Variants in PAPSS1 observed in about 807,000 individuals in gnomAD.
PAPSS1 encodes the protein 3'-phosphoadenosine 5'-phosphosulfate synthase 1, also known as bifunctional 3'-phosphoadenosine 5'-phosphosulfate synthase 1.
Under a neutral mutation model 72.0 loss-of-function variants are expected in PAPSS1, and 50 were observed. The ratio of observed to expected loss-of-function variants is 0.69; its 90% CI spans 0.55 to 0.88. The LOEUF (loss-of-function observed/expected upper bound fraction) is 0.88, where lower values mean the gene tolerates loss of function less well. Among genes scored for constraint, PAPSS1 ranks in the 40% least tolerant of loss-of-function variants. The pLI, the probability that PAPSS1 is intolerant of heterozygous loss-of-function variation, is 0.00. For synonymous variants in PAPSS1, 261 were observed against 263.6 expected (o/e 0.99, Z 0.09); for missense variants, 657 against 782.2 (o/e 0.84, Z 1.91).
At chr4:107,648,541 C>T (rs1012521424) in intron 9 of PAPSS1, among the ~76,000 whole-genome samples, 4 of 152,254 alleles carry the variant, frequency 2.6e-5, no homozygotes, top group African/African-American at 9.6e-5. Flanking sequence ...ACCCCAACCA[C>T]TGAACATAGA....
intron 10 of PAPSS1, among the ~76,000 whole-genome samples, chr4:107,635,154 T>TA (rs1686449519): frequency 6.6e-6 from 1 of 152,220 alleles, no homozygotes; most frequent in African/African-American, 2.4e-5. Context: ...CCTTATTTTT[T>TA]ATATTCTATT....
intron 9 of PAPSS1, among the ~76,000 whole-genome samples, chr4:107,651,672 T>G (rs1726843465): frequency 6.6e-6 from 1 of 152,030 alleles, no homozygotes; most frequent in Admixed American, 6.6e-5. Flanking sequence ...GTCACGAGAA[T>G]AGCATGGGGG....
chr4:107,699,500 C>A (rs1249206572), intron 2 of PAPSS1, among the ~76,000 whole-genome samples: 1 of 152,068 alleles, frequency 6.6e-6, no homozygotes. Context: ...AAAAAAGACA[C>A]CCTCATAAAT....
At chr4:107,696,766 T>G (rs979744904) in intron 2 of PAPSS1, among the ~76,000 whole-genome samples, 3 of 151,888 alleles carry the variant, frequency 2.0e-5, no homozygotes, top group East Asian at 1.9e-4. Flanking sequence ...AAGAGGAGGA[T>G]ATGTTGAGAG....
In PAPSS1 at chr4:107,711,629, A is replaced by T. The variant is rs117889243; in HGVS notation, c.60+8491T>A. ...TGATAAACAGTGTATTCCTCCAATG[A>T]GAAATCCCTGAAATGGTAACAGGCA... On this transcript the variant is annotated intron_variant, in intron 1 of 11. Coordinates refer to ENST00000265174, the MANE Select transcript of PAPSS1 (RefSeq NM_005443.5). Among the ~76,000 whole-genome samples, 42 of 152,360 alleles carry T rather than the reference A, an allele frequency of 2.8e-4. 1 individual carries two copies. The East Asian group carries it at 7.3e-3, about 27-fold the overall frequency.
In PAPSS1 at chr4:107,682,092, G is replaced by A; in HGVS notation, c.592C>T (p.Pro198Ser). Reference protein sequence around the residue: ...IDSEYEKPEAPELVLKTDSCD... With the variant: ...IDSEYEKPEASELVLKTDSCD... ...GAGTCTGTTTTCAGCACCAACTCAG[G>A]GGCCTCTGGCTTTTCATATTCAGAA... Residue 198 changes from proline (P) to serine (S), a missense_variant, in exon 5 of 12, where the codon CCT becomes TCT. Around this residue, in one of 7 missense-constraint regions of PAPSS1, gnomAD observed 28 missense variants for 60.8 expected, o/e 0.46. Coordinates refer to ENST00000265174, the MANE Select transcript of PAPSS1 (RefSeq NM_005443.5). The A allele has an allele frequency of 1.9e-6, 3 of 1,610,714 alleles. No individual in the cohort carries two copies. The highest frequency in any genetic ancestry group is 1.7e-5 in the Admixed American group (1 of 59,820).
At chr4:107,701,493 T>C (rs1193233009) in intron 1 of PAPSS1, among the ~76,000 whole-genome samples, 2 of 152,056 alleles carry the variant, frequency 1.3e-5, no homozygotes, top group East Asian at 1.9e-4. Context: ...TCCAATGACA[T>C]AGGTACTCTT....
chr4:107,656,923 A>G lies in PAPSS1; in HGVS notation c.868T>C (p.Cys290Arg). Reference protein sequence around the residue: ...GFMREREYLQCLHFDCLLDGG... With the variant: ...GFMREREYLQRLHFDCLLDGG... ...TCCAGAAGACAATCAAAATGAAGGC[A>G]CTGCAAGTACTCCCTCTCTCTCATA... Residue 290 changes from cysteine to arginine, a missense_variant, in exon 7 of 12, where the codon TGC becomes CGC. Physicochemically the swap from Cys to Arg is radical, Grantham distance 180 (BLOSUM62 -3). Coordinates refer to ENST00000265174, the MANE Select transcript of PAPSS1 (RefSeq NM_005443.5). 6.2e-7 allele frequency: 1 copy of G among 1,612,026 alleles called. No homozygotes were observed. Among genetic ancestry groups the G allele is most frequent in the Non-Finnish European group, 8.5e-7 (1 of 1,178,066 alleles).
chr4:107,712,445 A>G (rs1723518016), intron 1 of PAPSS1, among the ~76,000 whole-genome samples: 1 of 152,222 alleles, frequency 6.6e-6, no homozygotes, highest in Non-Finnish European at 1.5e-5. Context: ...AAATACACTA[A>G]TGTCCACCTC....
At chr4:107,679,668 C>T (rs1206560073) in intron 5 of PAPSS1, among the ~76,000 whole-genome samples, 1 of 149,516 alleles carries the variant, frequency 6.7e-6, no homozygotes, top group Admixed American at 6.8e-5. Context: ...CATGTTCAAA[C>T]CATGAGGCAG....
At chr4:107,685,658 A>T (rs1446472373) in intron 4 of PAPSS1, among the ~76,000 whole-genome samples, 1 of 152,194 alleles carries the variant, frequency 6.6e-6, no homozygotes, top group Non-Finnish European at 1.5e-5. Flanking sequence ...CCCATCAAGG[A>T]GCTGATTCTC....
At chr4:107,664,806 C>T (rs1290882822) in intron 5 of PAPSS1, among the ~76,000 whole-genome samples, 4 of 152,168 alleles carry the variant, frequency 2.6e-5, no homozygotes, top group African/African-American at 9.7e-5. Context: ...CATAATTGAG[C>T]ATAATTTTAT....
chr4:107,693,407 G>A (rs1358017357), intron 3 of PAPSS1, among the ~76,000 whole-genome samples: 1 of 152,154 alleles, frequency 6.6e-6, no homozygotes, highest in East Asian at 1.9e-4. Flanking sequence ...AGCCATGGTA[G>A]GGCACATGTT....
rs760111620 is a variant in PAPSS1 at position 107,644,990 on chromosome 4, G to T, written c.1318C>A (p.Leu440Ile). ...LLMQDTHKQL[L>I]ERGYRRPVLL... ...ACAGGGCGCCGGTAGCCCCTCTCTA[G>T]AAGTTGCTTATGGGTATCCTGCATT... Residue 440 changes from leucine to isoleucine, a missense_variant, in exon 10 of 12, where the codon CTA (leucine) becomes ATA (isoleucine). Transcript: ENST00000265174. 28 of 1,613,008 alleles carry T rather than the reference G, an allele frequency of 1.7e-5. No individual in the cohort carries two copies. The South Asian group carries it at 3.0e-4, about 17-fold the overall frequency.
In PAPSS1 at chr4:107,644,826, G is replaced by T. The variant is rs1449551842; in HGVS notation, c.1482C>A (p.Pro494=). 1.9e-6 allele frequency: 3 copies of T among 1,612,966 alleles called. No individual in the cohort carries two copies. The South Asian group carries it at 3.3e-5, about 18-fold the overall frequency. ...ETTVVAIFPS[P]MMYAGPTEVQ... Reference sequence around the variant, plus strand: ...CCTCAGTTGGTCCAGCATACATCATGGGAGATGGGAAGATGGCCACCACTG... The same window carrying T: ...CCTCAGTTGGTCCAGCATACATCATTGGAGATGGGAAGATGGCCACCACTG... The change falls in exon 10 of 12, where the codon CCC becomes CCA. Residue 494 remains proline (P), a synonymous_variant. Coordinates refer to ENST00000265174, the MANE Select transcript of PAPSS1 (RefSeq NM_005443.5).
chr4:107,653,665 T>C (rs112137814), intron 8 of PAPSS1, 39 bp from the exon 9 acceptor site: 1 of 1,575,974 alleles, frequency 6.3e-7, no homozygotes, highest in African/African-American at 1.4e-5. Flanking sequence ...GAAACCGAGA[T>C]CAAAATAAGT....
chr4:107,694,846 C>T (rs1578427772), intron 2 of PAPSS1, among the ~76,000 whole-genome samples: 1 of 151,994 alleles, frequency 6.6e-6, no homozygotes, highest in African/African-American at 2.4e-5. Flanking sequence ...GCCAACTTGG[C>T]GAGTGTCATA....
chr4:107,649,178 T>C (rs1560571999), intron 9 of PAPSS1, among the ~76,000 whole-genome samples: 1 of 152,230 alleles, frequency 6.6e-6, no homozygotes, highest in Admixed American at 6.5e-5. Context: ...GGGGCTGTTG[T>C]CCTCCTGCCT....
At chr4:107,635,596 T>G (rs914153046) in intron 10 of PAPSS1, among the ~76,000 whole-genome samples, 1 of 152,072 alleles carries the variant, frequency 6.6e-6, no homozygotes, top group Non-Finnish European at 1.5e-5. Context: ...TACAAACTGT[T>G]TTTATGATAA....
Sources: gnomAD v4.1 joint callset for allele counts (sites outside exome capture counted in the v4.1 genomes callset) on GRCh38, gnomAD v4.1.1 for gene constraint, gnomAD v4.1.1 regional missense constraint, MANE v1.5 for transcripts, NCBI Gene and HGNC (gene_info 2026-07-23, HGNC 2026-07-21) for gene names.